Variants in CNOT6L observed in about 807,000 individuals in gnomAD.
CNOT6L encodes the protein CCR4-NOT transcription complex subunit 6 like, also known as CCR4-NOT transcription complex subunit 6-like.
A neutral mutation model predicts 64.0 loss-of-function variants in CNOT6L; 7 were observed. The observed-to-expected ratio is 0.11, with a 90% CI of 0.06 to 0.21. The LOEUF is 0.21. Ranked by LOEUF, CNOT6L falls within the 10% of genes least tolerant of loss-of-function variation. The pLI, the probability that CNOT6L is intolerant of heterozygous loss-of-function variation, is 1.00. For synonymous variants in CNOT6L, 193 were observed against 243.4 expected (o/e 0.79, Z 1.93); for missense variants, 245 against 669.0 (o/e 0.37, Z 6.99).
At chr4:77,820,141 C>G (rs1201585472), upstream of CNOT6L, among the ~76,000 whole-genome samples, 1 of 152,094 alleles carries the variant, frequency 6.6e-6, no homozygotes, top group African/African-American at 2.4e-5. Flanking sequence ...CGCTCCCGCT[C>G]ACACACGTTC....
intron 1 of CNOT6L, among the ~76,000 whole-genome samples, chr4:77,810,889 G>A (rs191733787): frequency 4.1e-4 from 62 of 151,662 alleles, no homozygotes; most frequent in African/African-American, 1.3e-3. Flanking sequence ...GTGAGAATAC[G>A]TGGTGTTTTA....
In CNOT6L at chr4:77,720,079, C is replaced by A; in HGVS notation, c.*352G>T. 5.7e-6 allele frequency: 1 copy of A among 175,190 alleles called. No homozygotes were observed. The highest frequency in any genetic ancestry group is 1.2e-5 in the Non-Finnish European group (1 of 82,798). The allele number at this position is 175,190 out of a possible 1,614,324, so 10.9% of individuals were successfully genotyped here. On this transcript the variant is annotated 3_prime_UTR_variant, in exon 12 of 12. Transcript: ENST00000504123. Reference sequence around the variant, plus strand: ...TGCCTTTTATAAAATGGTTGGCTCACTGAAACCATTCAAAAGAAAGTATTT... The same window carrying A: ...TGCCTTTTATAAAATGGTTGGCTCAATGAAACCATTCAAAAGAAAGTATTT...
intron 4 of CNOT6L, among the ~76,000 whole-genome samples, chr4:77,764,819 T>A (rs1726645862): frequency 6.6e-6 from 1 of 152,286 alleles, no homozygotes; most frequent in Non-Finnish European, 1.5e-5. Flanking sequence ...ATCGCCCCTG[T>A]TCAGCATGAA....
chr4:77,779,066 A>AAC (rs1560419964), intron 1 of CNOT6L, among the ~76,000 whole-genome samples: 1 of 104,204 alleles, frequency 9.6e-6, no homozygotes, highest in Non-Finnish European at 2.1e-5. Context: ...AAAAAAACAA[A>AAC]AAAAAAACAC....
intron 8 of CNOT6L, among the ~76,000 whole-genome samples, chr4:77,739,238 A>G (rs533046378): frequency 6.6e-6 from 1 of 152,298 alleles, no homozygotes; most frequent in Non-Finnish European, 1.5e-5. Context: ...TTCATGTATG[A>G]TTAAACAGTC....
intron 1 of CNOT6L, among the ~76,000 whole-genome samples, chr4:77,802,256 T>C (rs982485501): frequency 1.9e-4 from 29 of 152,182 alleles, no homozygotes; most frequent in African/African-American, 7.0e-4. Flanking sequence ...TCAGCATTGA[T>C]TCTCTATCCT....
At chr4:77,730,677 T>C (rs1202481444) in intron 9 of CNOT6L, among the ~76,000 whole-genome samples, 2 of 152,086 alleles carry the variant, frequency 1.3e-5, no homozygotes, top group Non-Finnish European at 2.9e-5. Context: ...AAAAGAAGGT[T>C]TGACACATAT....
chr4:77,716,708 A>T lies in CNOT6L; in HGVS notation c.*3723T>A, dbSNP rs544548821. The T allele has an allele frequency of 1.5e-4, 23 of 152,630 alleles. No individual in the cohort carries two copies. In the East Asian group the frequency reaches 3.9e-3, roughly 26 times the overall value. 9.5% of individuals were successfully genotyped at this position (152,630 alleles called of 1,614,324 possible). ...CAACTTTCTCCCTTGCTTCTCTGTGATTTAATATATAACTTTAAGACACCA... is the reference window on the plus strand; with the variant it reads ...CAACTTTCTCCCTTGCTTCTCTGTGTTTTAATATATAACTTTAAGACACCA... On this transcript the variant is annotated 3_prime_UTR_variant, in exon 12 of 12. Coordinates refer to ENST00000504123, the MANE Select transcript of CNOT6L (RefSeq NM_144571.3).
intron 4 of CNOT6L, among the ~76,000 whole-genome samples, chr4:77,758,949 G>A (rs926593624): frequency 6.6e-6 from 1 of 152,008 alleles, no homozygotes; most frequent in African/African-American, 2.4e-5. Flanking sequence ...CATCAAGTAG[G>A]GAAATAGTCA....
intron 5 of CNOT6L, among the ~76,000 whole-genome samples, chr4:77,751,216 A>G (rs1724828298): frequency 6.6e-6 from 1 of 152,210 alleles, no homozygotes; most frequent in African/African-American, 2.4e-5. Context: ...AGTATCAAAT[A>G]GATATTATCC....
chr4:77,817,128 T>C (rs114290476), intron 1 of CNOT6L, among the ~76,000 whole-genome samples: 1,544 of 152,230 alleles, frequency 0.01, 27 homozygotes, highest in African/African-American at 0.034. Flanking sequence ...GAAACATACA[T>C]GTGCTATATA....
At chr4:77,790,841 G>A (rs559387360) in intron 1 of CNOT6L, among the ~76,000 whole-genome samples, 2 of 136,530 alleles carry the variant, frequency 1.5e-5, no homozygotes, top group South Asian at 2.4e-4. Context: ...TTCATTTTTA[G>A]TAAAGATGAG....
intron 1 of CNOT6L, among the ~76,000 whole-genome samples, chr4:77,782,429 A>T (rs1455654772): frequency 6.6e-6 from 1 of 151,980 alleles, no homozygotes; most frequent in African/African-American, 2.4e-5. Flanking sequence ...AAATCCTAGG[A>T]TGAAGTGGTC....
At chr4:77,731,895 ACTT>A (rs1340089866) in intron 8 of CNOT6L, 1 of 172,112 alleles carries the variant, frequency 5.8e-6, no homozygotes, top group Non-Finnish European at 1.2e-5. Flanking sequence ...CTATTTCTGG[ACTT>A]CTTGTGTGAG....
At chr4:77,754,888 TAAAAAAAAAAAA>T in intron 5 of CNOT6L, among the ~76,000 whole-genome samples, 14 of 36,956 alleles carry the variant, frequency 3.8e-4, no homozygotes, top group Admixed American at 2.2e-3. Context: ...ACATTAGAAG[TAAAAAAAAAAAA>T]AAAAAAAAAA....
chr4:77,763,067 G>A (rs1029170832), intron 4 of CNOT6L, among the ~76,000 whole-genome samples: 1 of 152,152 alleles, frequency 6.6e-6, no homozygotes, highest in East Asian at 1.9e-4. Flanking sequence ...CGAAGAGAAA[G>A]TAAATAGAAT....
chr4:77,755,031 C>T (rs1725363130), intron 5 of CNOT6L, among the ~76,000 whole-genome samples: 1 of 149,774 alleles, frequency 6.7e-6, no homozygotes, highest in African/African-American at 2.5e-5. Flanking sequence ...GACTGGAGTA[C>T]ATTAAAATTT....
At chr4:77,735,667 T>C (rs994784827) in intron 8 of CNOT6L, among the ~76,000 whole-genome samples, 1 of 152,330 alleles carries the variant, frequency 6.6e-6, no homozygotes, top group Admixed American at 6.5e-5. Flanking sequence ...TTGAGGAAAA[T>C]TCTTCTCAAT....
At chr4:77,754,633 G>T (rs1361220206) in intron 5 of CNOT6L, among the ~76,000 whole-genome samples, 1 of 151,788 alleles carries the variant, frequency 6.6e-6, no homozygotes, top group Admixed American at 6.6e-5. Flanking sequence ...ATAGGTCAAG[G>T]GGGAAGACTT....
Sources: allele counts gnomAD v4.1 joint callset (sites outside exome capture counted in the v4.1 genomes callset), GRCh38; gene constraint gnomAD v4.1.1; transcripts MANE v1.5; gene names NCBI Gene and HGNC (gene_info 2026-07-23, HGNC 2026-07-21).